The following ZNF43 variants were observed in gnomAD, a reference collection of about 807,000 sequenced individuals.
ZNF43 encodes zinc finger protein 39-like 1 (KOX 27).
ZNF43 carries 44 observed loss-of-function variants against 68.4 expected under a neutral mutation model. That is an observed-to-expected ratio of 0.64 (90% CI 0.51 to 0.83). ZNF43 has a LOEUF of 0.83. ZNF43 is among the 40% of genes least tolerant of loss of function. ZNF43 has a pLI of 0.00. For missense variants in ZNF43, 896 were observed against 933.2 expected (o/e 0.96, Z 0.52); for synonymous variants, 308 against 307.8 (o/e 1.00, Z -0.01).
chr19:21,818,571 ACAC>A (rs1280296164), intron 2 of ZNF43, among the ~76,000 whole-genome samples: 1 of 149,296 alleles, frequency 6.7e-6, no homozygotes, highest in Non-Finnish European at 1.5e-5. Context: ...CTGGCATGAA[ACAC>A]CACACCTGGC....
chr19:21,806,757 GTTTTA>G lies in ZNF43; in HGVS notation c.*845_*849del, dbSNP rs1205360392. ...TATATACAAATAATTTATCCACCAA[GTTTTA>G]TTTTGTGTTGTTTTCTGTACTTAGC... On this transcript the variant is annotated 3_prime_UTR_variant, in exon 4 of 4. Coordinates refer to ENST00000354959, the MANE Select transcript of ZNF43 (RefSeq NM_003423.4). 3.9e-5 allele frequency: 6 copies of G among 152,062 alleles called. No homozygotes were observed. The highest frequency in any genetic ancestry group is 9.7e-5 in the African/African-American group (4 of 41,408). The allele number at this position is 152,062 out of a possible 1,614,324, so 9.4% of individuals were successfully genotyped here. A position where few individuals can be genotyped will look rare whatever the true frequency, so the allele number is the denominator to read the frequency against.
upstream of ZNF43, among the ~76,000 whole-genome samples, chr19:21,839,331 C>CAAAAAAAAAAAAAAAA (rs61335194): frequency 3.5e-5 from 1 of 28,298 alleles, no homozygotes; most frequent in African/African-American, 1.2e-4. Flanking sequence ...AGAGATCAGG[C>CAAAAAAAAAAAAAAAA]AAAAAAAAAA....
upstream of ZNF43, chr19:21,839,766 T>C (rs1361136527): frequency 2.0e-5 from 3 of 152,216 alleles, no homozygotes; most frequent in African/African-American, 7.2e-5. Context: ...AATATGTCAC[T>C]ATGCCCACTA....
chr19:21,843,318 C>T, intron 1 of ZNF43: 1 of 974,404 alleles, frequency 1.0e-6, no homozygotes, highest in Non-Finnish European at 1.2e-6. Context: ...GTATGTGTCA[C>T]AATCACACCT....
At chr19:21,818,035 T>G in intron 2 of ZNF43, 49 bp from the exon 3 acceptor site, 1 of 1,538,998 alleles carries the variant, frequency 6.5e-7, no homozygotes, top group Non-Finnish European at 9.0e-7. Flanking sequence ...TATTCTCCCA[T>G]TATTAACCTA....
At chr19:21,823,487 C>T (rs1037628173) in intron 1 of ZNF43, among the ~76,000 whole-genome samples, 3 of 149,452 alleles carry the variant, frequency 2.0e-5, no homozygotes, top group African/African-American at 7.4e-5. Flanking sequence ...TCAAATGTCG[C>T]AAAGATGTCT....
In ZNF43 at chr19:21,807,339, G is replaced by A. The variant is rs1208966776; in HGVS notation, c.*268C>T. 2 of 267,320 alleles carry A rather than the reference G, an allele frequency of 7.5e-6. No homozygotes were observed. Among genetic ancestry groups the A allele is most frequent in the Non-Finnish European group, 1.4e-5 (2 of 142,626 alleles). The allele number at this position is 267,320 out of a possible 1,614,324, so 16.6% of individuals were successfully genotyped here. ...TTTTGACACTAGTTGCATCTATAAT[G>A]GTTTTATTAAGTACAGACTCTCTGA... On this transcript the variant is annotated 3_prime_UTR_variant, in exon 4 of 4. Transcript: ENST00000354959.
chr19:21,828,949 C>T (rs1018822076), intron 1 of ZNF43, among the ~76,000 whole-genome samples: 3 of 134,462 alleles, frequency 2.2e-5, no homozygotes, highest in Non-Finnish European at 4.6e-5. Context: ...AGGAGAATGG[C>T]GTGAACCAGG....
rs1316819126 is a variant in ZNF43, at chr19:21,807,258, T to C, written c.*349A>G. 1 of 169,050 alleles carries C rather than the reference T, an allele frequency of 5.9e-6. No homozygotes were observed. Among genetic ancestry groups the C allele is most frequent in the Non-Finnish European group, 1.3e-5 (1 of 78,720 alleles). 10.5% of individuals were successfully genotyped at this position (169,050 alleles called of 1,614,324 possible). ...CAACCCTCTTAATATTTGTAATGTT[T>C]GTCTTCAGAATGAATTATCTTCTTC... On this transcript the variant is annotated 3_prime_UTR_variant, in exon 4 of 4. Transcript: ENST00000354959.
chr19:21,816,695 G>C (rs1036161612), intron 3 of ZNF43, among the ~76,000 whole-genome samples: 13 of 152,170 alleles, frequency 8.5e-5, no homozygotes, highest in African/African-American at 3.1e-4. Context: ...GGCCAGTTCT[G>C]CCTAACTAGA....
At chr19:21,815,143 C>G (rs527967293) in intron 3 of ZNF43, among the ~76,000 whole-genome samples, 1 of 150,794 alleles carries the variant, frequency 6.6e-6, no homozygotes, top group African/African-American at 2.4e-5. Context: ...GAGCCGAGAT[C>G]ATGCCATTGC....
Position 21,818,013 on chromosome 19 carries a change from G to A in ZNF43, c.131-27C>T, listed in dbSNP as rs1476086370. ...TGTTTCAATAAAAAATAAATTACGT[G>A]AATCTTGCTCATATTCTCCCATTAT... On this transcript the variant is annotated intron_variant, in intron 2 of 3. Transcript: ENST00000354959. 4 of 1,591,960 alleles carry A rather than the reference G, an allele frequency of 2.5e-6. No homozygotes were observed. The South Asian group carries it at 4.4e-5, about 18-fold the overall frequency.
intron 1 of ZNF43, among the ~76,000 whole-genome samples, chr19:21,842,938 T>C (rs1466338069): frequency 6.8e-6 from 1 of 147,734 alleles, no homozygotes; most frequent in East Asian, 2.1e-4. Context: ...ATCATGTAGG[T>C]GCTTGGCACA....
chr19:21,816,039 C>T (rs2037511645), intron 3 of ZNF43, among the ~76,000 whole-genome samples: 1 of 146,418 alleles, frequency 6.8e-6, no homozygotes, highest in Non-Finnish European at 1.5e-5. Context: ...CCAGCCTGGG[C>T]AACAGAGCGA....
rs761687188 is a variant in ZNF43 at position 21,817,972 on chromosome 19, TAG to T, written c.143_144del (p.Ser48Ter). ...RNLVFLGIAV[S>X]KPDLITCLEQ... ...TCCAGACAGGTGATCAGGTCTGGCT[TAG>T]AGACAGCAATACCTGTTTCAATAAA... On this transcript the variant is annotated frameshift_variant, in exon 3 of 4. Transcript: ENST00000354959. LOFTEE classifies it high-confidence loss of function. 306 of 1,612,942 alleles carry T rather than the reference TAG, an allele frequency of 1.9e-4. 2 individuals carry two copies. Among genetic ancestry groups the T allele is most frequent in the Non-Finnish European group, 2.8e-5 (33 of 1,179,434 alleles).
At chr19:21,822,113 T>G (rs1288701318) in intron 1 of ZNF43, among the ~76,000 whole-genome samples, 1 of 111,532 alleles carries the variant, frequency 9.0e-6, no homozygotes, top group African/African-American at 3.3e-5. Flanking sequence ...CCGAAGAGAT[T>G]CAGCAAGAAT....
In ZNF43 at chr19:21,833,414, C is replaced by T. The variant is rs1568378157; in HGVS notation, c.3+2622G>A. ...CCCGAAGTAGCTGGGATTACAGGCG[C>T]CTGCCCCTGCACCCAGCTAATTTTT... On this transcript the variant is annotated intron_variant, in intron 1 of 3. Transcript: ENST00000354959. Among the ~76,000 whole-genome samples the T allele has an allele frequency of 2.0e-5, 3 of 152,050 alleles. No individual in the cohort carries two copies. In the South Asian group the frequency reaches 6.2e-4, roughly 32 times the overall value.
At chr19:21,851,945 C>T (rs1402380719) in exon 1 of ZNF43, 2 of 1,565,630 alleles carry the variant, frequency 1.3e-6, no homozygotes, top group South Asian at 2.3e-5. Flanking sequence ...CTTAGCTGTG[C>T]GTCTCCCAGG....
intron 3 of ZNF43, 140 bp downstream of exon 3, chr19:21,817,748 C>T: frequency 1.2e-6 from 1 of 859,420 alleles, no homozygotes; most frequent in Non-Finnish European, 1.8e-6. Flanking sequence ...TGTGTGAAAG[C>T]AAAATGAAAA....
Sources: gnomAD v4.1 joint callset for allele counts (sites outside exome capture counted in the v4.1 genomes callset) on GRCh38, gnomAD v4.1.1 for gene constraint, MANE v1.5 for transcripts, NCBI Gene and HGNC (gene_info 2026-07-23, HGNC 2026-07-21) for gene names.